Variants in FBXO34 observed in about 807,000 individuals in gnomAD.
FBXO34 encodes F-box protein 34, also known as F-box only protein 34.
In FBXO34, 12 loss-of-function variants were observed where a neutral mutation model predicts 24.5. The observed-to-expected ratio is 0.49, with a 90% CI of 0.31 to 0.79. FBXO34 has a LOEUF of 0.79. Ranked by LOEUF, FBXO34 falls within the 30% of genes least tolerant of loss-of-function variation. The pLI is 0.04. For synonymous variants in FBXO34, 320 were observed against 311.9 expected, an observed-to-expected ratio of 1.03 and a Z score of -0.27; for missense variants, 823 against 857.7, an observed-to-expected ratio of 0.96 and a Z score of 0.51.
the FBXO34 span, among the ~76,000 whole-genome samples, chr14:55,411,008 A>G: frequency 6.6e-6 from 1 of 152,356 alleles, no homozygotes; most frequent in East Asian, 1.9e-4. Context: ...TGAATTTTAA[A>G]ACAAGGCCAA....
At chr14:55,289,228 G>A (rs1881861663) in intron 1 of FBXO34, among the ~76,000 whole-genome samples, 1 of 151,332 alleles carries the variant, frequency 6.6e-6, no homozygotes, top group African/African-American at 2.4e-5. Context: ...GTATCTAGTA[G>A]TTCTTAGGTA....
At chr14:55,440,466 G>C in the FBXO34 span, 1 of 1,612,564 alleles carries the variant, frequency 6.2e-7, no homozygotes, top group Non-Finnish European at 8.5e-7. Context: ...TAATCCCACT[G>C]TTGGGGGTGG....
chr14:55,288,266 T>G (rs915419995), intron 1 of FBXO34, among the ~76,000 whole-genome samples: 16 of 152,348 alleles, frequency 1.1e-4, no homozygotes, highest in South Asian at 6.2e-4. Flanking sequence ...CAATTTTTTT[T>G]GGGTATTTCT....
At chr14:55,309,861 A>G (rs1224637847) in intron 1 of FBXO34, among the ~76,000 whole-genome samples, 1 of 152,190 alleles carries the variant, frequency 6.6e-6, no homozygotes, top group East Asian at 1.9e-4. Flanking sequence ...CTGTTATTCC[A>G]TTCGTAATGC....
the FBXO34 span, chr14:55,377,707 G>A: frequency 1.5e-6 from 1 of 658,090 alleles, no homozygotes; most frequent in Non-Finnish European, 2.5e-6. Context: ...CACTATTTTT[G>A]TCCGGTTTGA....
At chr14:55,409,629 C>A in the FBXO34 span, among the ~76,000 whole-genome samples, 2 of 151,770 alleles carry the variant, frequency 1.3e-5, no homozygotes, top group East Asian at 3.9e-4. Flanking sequence ...GTCTAAATAC[C>A]ACTGCGAAGG....
At position 55,352,415 on chromosome 14, in the gene FBXO34, C is replaced by A. The variant is rs766190732; in HGVS notation, c.2025C>A (p.Phe675Leu). Residue 675 changes from phenylalanine (F) to leucine (L), a missense_variant, in exon 2 of 2, where the codon TTC becomes TTA. Coordinates refer to ENST00000313833, the MANE Select transcript of FBXO34 (RefSeq NM_017943.4). Reference sequence around the variant, plus strand: ...GCTGCCACCGGTCTCAGAAAGGATTCCCTGGCTGTAAGCTGGGGCTTCATG... The same window carrying A: ...GCTGCCACCGGTCTCAGAAAGGATTACCTGGCTGTAAGCTGGGGCTTCATG... ...WMCCHRSQKGFPGCKLGLHDN... is the reference protein window; with the variant it reads ...WMCCHRSQKGLPGCKLGLHDN... The A allele has an allele frequency of 3.7e-6, 6 of 1,614,200 alleles. No individual in the cohort carries two copies. Among genetic ancestry groups the A allele is most frequent in the Non-Finnish European group, 5.1e-6 (6 of 1,180,028 alleles).
chr14:55,440,398 G>A, the FBXO34 span: 1 of 1,612,934 alleles, frequency 6.2e-7, no homozygotes, highest in African/African-American at 1.3e-5. Flanking sequence ...AGCCTCACCT[G>A]AGCGGCGCAC....
At chr14:55,411,242 G>A in the FBXO34 span, among the ~76,000 whole-genome samples, 3 of 152,204 alleles carry the variant, frequency 2.0e-5, no homozygotes, top group Admixed American at 6.5e-5. Flanking sequence ...AAAATAGAAA[G>A]CCAAGCTTTT....
the FBXO34 span, among the ~76,000 whole-genome samples, chr14:55,404,259 T>G: frequency 1.3e-5 from 2 of 152,216 alleles, no homozygotes; most frequent in Non-Finnish European, 2.9e-5. Context: ...TGGCTGAAAG[T>G]AGTTCAATTT....
At chr14:55,317,849 A>G in intron 1 of FBXO34, among the ~76,000 whole-genome samples, 1 of 152,178 alleles carries the variant, frequency 6.6e-6, no homozygotes, top group Admixed American at 6.6e-5. Context: ...TCCCTGGTCC[A>G]GATAATCCTC....
At chr14:55,294,430 T>C (rs141457685) in intron 1 of FBXO34, among the ~76,000 whole-genome samples, 20 of 152,226 alleles carry the variant, frequency 1.3e-4, no homozygotes, top group Non-Finnish European at 2.8e-4. Context: ...TGGGAGTACA[T>C]ACGCACACCA....
chr14:55,310,415 T>G (rs781594182), intron 1 of FBXO34, among the ~76,000 whole-genome samples: 62 of 152,110 alleles, frequency 4.1e-4, no homozygotes, highest in Middle Eastern at 3.2e-3. Context: ...TTTACTGGTG[T>G]TAGAGTGGAA....
the FBXO34 span, among the ~76,000 whole-genome samples, chr14:55,442,217 C>A: frequency 7.9e-5 from 12 of 150,984 alleles, no homozygotes; most frequent in African/African-American, 2.9e-4. Context: ...GGTGAAACCC[C>A]ATCTATACCT....
the FBXO34 span, among the ~76,000 whole-genome samples, chr14:55,402,451 G>A: frequency 5.9e-5 from 9 of 152,058 alleles, no homozygotes; most frequent in Admixed American, 5.2e-4. Context: ...ACAGAGATGA[G>A]GAAAGATTCA....
the FBXO34 span, chr14:55,397,369 C>A: frequency 6.2e-7 from 1 of 1,612,462 alleles, no homozygotes; most frequent in East Asian, 2.2e-5. Context: ...ACAAAACACT[C>A]ACTCTTTCTG....
chr14:55,313,427 C>T (rs768380277), intron 1 of FBXO34, among the ~76,000 whole-genome samples: 3 of 152,140 alleles, frequency 2.0e-5, no homozygotes, highest in Non-Finnish European at 4.4e-5. Flanking sequence ...CAAATTGTTG[C>T]AACCTTTGCC....
chr14:55,404,324 T>C, the FBXO34 span, among the ~76,000 whole-genome samples: 1 of 152,154 alleles, frequency 6.6e-6, no homozygotes, highest in Non-Finnish European at 1.5e-5. Context: ...ACAACCCTGA[T>C]CCCTAAAGCA....
intron 1 of FBXO34, among the ~76,000 whole-genome samples, chr14:55,275,966 G>T (rs376020160): frequency 0.02 from 2,206 of 108,266 alleles, 62 homozygotes; most frequent in African/African-American, 0.1. Flanking sequence ...CAGACAAAGG[G>T]CCTAGATAAC....
Sources: allele counts gnomAD v4.1 joint callset (sites outside exome capture counted in the v4.1 genomes callset), GRCh38; gene constraint gnomAD v4.1.1; transcripts MANE v1.5; gene names NCBI Gene and HGNC (gene_info 2026-07-23, HGNC 2026-07-21).